The following BTBD9 variants were observed in gnomAD, a reference collection of about 807,000 sequenced individuals.
BTBD9 encodes the protein BTB domain containing 9.
A neutral mutation model predicts 64.3 loss-of-function variants in BTBD9; 49 were observed. That is an observed-to-expected ratio of 0.76 (90% CI 0.61 to 0.97). The LOEUF is 0.97. Among genes scored for constraint, BTBD9 ranks in the 50% least tolerant of loss-of-function variants. The pLI is 0.00. For missense variants in BTBD9, 598 were observed against 762.1 expected, an observed-to-expected ratio of 0.78 and a Z score of 2.53; for synonymous variants, 260 against 274.7, an observed-to-expected ratio of 0.95 and a Z score of 0.53.
intron 6 of BTBD9, among the ~76,000 whole-genome samples, chr6:38,486,426 C>A (rs550079930): frequency 6.6e-6 from 1 of 152,300 alleles, no homozygotes; most frequent in South Asian, 2.1e-4. Flanking sequence ...TCATTTCTAG[C>A]TTTTGATTTA....
intron 9 of BTBD9, among the ~76,000 whole-genome samples, chr6:38,195,033 G>T (rs1187597494): frequency 6.6e-6 from 1 of 152,184 alleles, no homozygotes; most frequent in Non-Finnish European, 1.5e-5. Context: ...CAGCAGAGCC[G>T]GATAGCAATT....
At chr6:38,463,900 C>T (rs1232053822) in intron 6 of BTBD9, among the ~76,000 whole-genome samples, 1 of 152,122 alleles carries the variant, frequency 6.6e-6, no homozygotes, top group Non-Finnish European at 1.5e-5. Context: ...GGCATGGTGG[C>T]ATATTCCTGT....
intron 6 of BTBD9, among the ~76,000 whole-genome samples, chr6:38,470,033 A>T (rs976962132): frequency 1.3e-5 from 2 of 152,358 alleles, no homozygotes; most frequent in Admixed American, 1.3e-4. Context: ...TGGAGACCAG[A>T]CTGATCCTCC....
intron 1 of BTBD9, among the ~76,000 whole-genome samples, chr6:38,605,413 G>T (rs982041459): frequency 1.3e-5 from 2 of 152,132 alleles, no homozygotes; most frequent in Non-Finnish European, 2.9e-5. Context: ...GTCAAAAACA[G>T]TCATTTGTGT....
chr6:38,213,286 T>C (rs1322248317), intron 9 of BTBD9, among the ~76,000 whole-genome samples: 2 of 152,006 alleles, frequency 1.3e-5, no homozygotes, highest in African/African-American at 4.8e-5. Flanking sequence ...ACTTTAAAAA[T>C]AGACTCTCCC....
At position 38,635,167 on chromosome 6, in the gene BTBD9, G is replaced by A. The variant is rs187337423; in HGVS notation, c.-28+4633C>T. Reference sequence around the variant, plus strand: ...TTTTTCTTTTTTGAGATGGAGTCTCGCTCTGTCACCTAGGCCGGAGTGCAG... The same window carrying A: ...TTTTTCTTTTTTGAGATGGAGTCTCACTCTGTCACCTAGGCCGGAGTGCAG... On this transcript the variant is annotated intron_variant, in intron 1 of 10. Coordinates refer to ENST00000481247, the MANE Select transcript of BTBD9 (RefSeq NM_001099272.2). Among the ~76,000 whole-genome samples, 270 of 151,154 alleles carry A rather than the reference G, an allele frequency of 1.8e-3. 2 individuals are homozygous for A. The highest frequency in any genetic ancestry group is 6.4e-3 in the African/African-American group (262 of 41,112).
intron 6 of BTBD9, among the ~76,000 whole-genome samples, chr6:38,360,941 A>G (rs557880067): frequency 1.3e-4 from 20 of 151,980 alleles, no homozygotes; most frequent in Non-Finnish European, 2.9e-5. Context: ...GAGCAAAGAG[A>G]TGAAGGTTGC....
intron 6 of BTBD9, among the ~76,000 whole-genome samples, chr6:38,374,268 CG>C (rs1391664487): frequency 7.1e-5 from 2 of 28,128 alleles, no homozygotes; most frequent in Non-Finnish European, 1.0e-4. Flanking sequence ...GGCCTTGTGT[CG>C]AAAAAAAAAA....
At chr6:38,316,865 T>C (rs956445418) in intron 7 of BTBD9, among the ~76,000 whole-genome samples, 1 of 152,222 alleles carries the variant, frequency 6.6e-6, no homozygotes, top group Non-Finnish European at 1.5e-5. Flanking sequence ...GCATTTCTTG[T>C]AGGACAGGTC....
intron 6 of BTBD9, among the ~76,000 whole-genome samples, chr6:38,412,860 AAACAAC>A (rs138382985): frequency 3.5e-5 from 4 of 113,328 alleles, no homozygotes; most frequent in South Asian, 2.6e-4. Context: ...CTCCATCTCA[AAACAAC>A]AACAACAACA....
intron 6 of BTBD9, among the ~76,000 whole-genome samples, chr6:38,567,993 A>G (rs1023590511): frequency 6.6e-6 from 1 of 152,226 alleles, no homozygotes; most frequent in Non-Finnish European, 1.5e-5. Flanking sequence ...ATTCAACAAG[A>G]TACCTGATGA....
At chr6:38,196,151 A>G (rs1762268262) in intron 9 of BTBD9, among the ~76,000 whole-genome samples, 1 of 152,226 alleles carries the variant, frequency 6.6e-6, no homozygotes, top group African/African-American at 2.4e-5. Flanking sequence ...AATGTGGCAC[A>G]GGGGTGGAGA....
chr6:38,629,210 G>C (rs1035702394), intron 1 of BTBD9, among the ~76,000 whole-genome samples: 1 of 152,146 alleles, frequency 6.6e-6, no homozygotes, highest in African/African-American at 2.4e-5. Flanking sequence ...GACAATAATG[G>C]ATTCAGCAAA....
At chr6:38,212,701 A>C (rs1287556629) in intron 9 of BTBD9, among the ~76,000 whole-genome samples, 8 of 152,170 alleles carry the variant, frequency 5.3e-5, no homozygotes, top group African/African-American at 1.9e-4. Flanking sequence ...TGCCCCCAGA[A>C]AACACAATGC....
In BTBD9 at chr6:38,523,246, C is replaced by T. The variant is rs1168131790; in HGVS notation, c.1154+54354G>A. On this transcript the variant is annotated intron_variant, in intron 6 of 10. Coordinates refer to ENST00000481247, the MANE Select transcript of BTBD9 (RefSeq NM_001099272.2). ...TCCATGATGACACCTCTTGCAGACA[C>T]CTCTTCTTCTCCATTTTTACTGTAC... is the stretch of plus-strand genomic sequence containing the variant. Among the ~76,000 whole-genome samples, 6 of 152,080 alleles carry T rather than the reference C, an allele frequency of 3.9e-5. No individual in the cohort carries two copies. In the East Asian group the frequency reaches 1.2e-3, roughly 29 times the overall value.
intron 6 of BTBD9, among the ~76,000 whole-genome samples, chr6:38,386,089 C>T (rs1766156898): frequency 6.6e-6 from 1 of 152,090 alleles, no homozygotes; most frequent in African/African-American, 2.4e-5. Flanking sequence ...CCACCACGCC[C>T]AACAATAATA....
In BTBD9 at chr6:38,268,368, G is replaced by C. The variant is rs117370671; in HGVS notation, c.1455-11852C>G. On this transcript the variant is annotated intron_variant, in intron 8 of 10. Coordinates refer to ENST00000481247, the MANE Select transcript of BTBD9 (RefSeq NM_001099272.2). ...CCTGTTCCCTTGGATCAAGTTTTCA[G>C]AAGAATCCGTATCTGTGGGAGAACT... is the stretch of plus-strand genomic sequence containing the variant. Among the ~76,000 whole-genome samples, 220 of 152,226 alleles carry C rather than the reference G, an allele frequency of 1.4e-3. 4 individuals carry two copies. In the East Asian group the frequency reaches 0.031, roughly 21 times the overall value.
intron 8 of BTBD9, among the ~76,000 whole-genome samples, chr6:38,260,154 A>G (rs1176950248): frequency 2.0e-5 from 3 of 152,158 alleles, no homozygotes; most frequent in African/African-American, 7.2e-5. Flanking sequence ...TCTTTTTAAA[A>G]ACTCTGCTTC....
intron 6 of BTBD9, among the ~76,000 whole-genome samples, chr6:38,477,227 GGA>G (rs1770924274): frequency 6.6e-6 from 1 of 152,204 alleles, no homozygotes; most frequent in African/African-American, 2.4e-5. Flanking sequence ...CAAAATTAGA[GGA>G]GAGTAAAGTA....
Sources: gnomAD v4.1 joint callset for allele counts (sites outside exome capture counted in the v4.1 genomes callset) on GRCh38, gnomAD v4.1.1 for gene constraint, MANE v1.5 for transcripts, NCBI Gene and HGNC (gene_info 2026-07-23, HGNC 2026-07-21) for gene names.